The following CUX2 variants were observed in gnomAD, a reference collection of about 807,000 sequenced individuals.
CUX2 encodes cut like homeobox 2, also known as homeobox protein cut-like 2.
CUX2 carries 40 observed loss-of-function variants against 144.8 expected under a neutral mutation model. The ratio of observed to expected loss-of-function variants is 0.28; its 90% CI spans 0.21 to 0.36. The LOEUF is 0.36. CUX2 is among the 10% of genes least tolerant of loss of function. The probability of loss-of-function intolerance (pLI) is 1.00; values close to 1 mark genes in which losing one functional copy is unlikely to be tolerated. For synonymous variants in CUX2, 827 were observed against 875.6 expected (o/e 0.94, Z 0.98); for missense variants, 1,615 against 1,994.0 (o/e 0.81, Z 3.62).
rs906378105 is a variant in CUX2, at chr12:111,306,847, CAG to C, written c.859-73_859-72del. ...ACAAATTTGCATTCTGCTTGGGATT[CAG>C]GGGTGGGGAGGCCAGACCTGTGGAC... On this transcript the variant is annotated intron_variant, in intron 10 of 21. Coordinates refer to ENST00000261726, the MANE Select transcript of CUX2 (RefSeq NM_015267.4). The C allele has an allele frequency of 2.4e-6, 3 of 1,267,140 alleles. No homozygotes were observed. In the African/African-American group the frequency reaches 4.5e-5, roughly 19 times the overall value. 78.5% of individuals were successfully genotyped at this position (1,267,140 alleles called of 1,614,324 possible). A position where few individuals can be genotyped will look rare whatever the true frequency, so the allele number is the denominator to read the frequency against.
chr12:111,185,388 C>T lies in CUX2; in HGVS notation c.64-28812C>T, dbSNP rs117872291. On this transcript the variant is annotated intron_variant, in intron 1 of 21. Coordinates refer to ENST00000261726, the MANE Select transcript of CUX2 (RefSeq NM_015267.4). ...TGTTATTTACTGGAGGGGTGACCTT[C>T]GATAAGCAATGGCAGCTCTCTATGC... Among the ~76,000 whole-genome samples the T allele has an allele frequency of 8.7e-4, 132 of 152,280 alleles. 1 individual carries two copies. In the East Asian group the frequency reaches 0.012, roughly 14 times the overall value.
At chr12:111,234,328 G>A (rs1882624433) in intron 3 of CUX2, among the ~76,000 whole-genome samples, 1 of 152,052 alleles carries the variant, frequency 6.6e-6, no homozygotes, top group Admixed American at 6.6e-5. Context: ...GAGCAAGGAG[G>A]GACTGTTAAC....
chr12:111,298,649 T>A, intron 9 of CUX2, 60 bp downstream of exon 9: 1 of 1,481,832 alleles, frequency 6.7e-7, no homozygotes. Context: ...GGGGTGGGGG[T>A]CTCGGGCCAG....
intron 1 of CUX2, among the ~76,000 whole-genome samples, chr12:111,189,069 C>T (rs1879725459): frequency 6.6e-6 from 1 of 152,086 alleles, no homozygotes; most frequent in Non-Finnish European, 1.5e-5. Flanking sequence ...CACTTGAGCC[C>T]AGGAGTTTGA....
At position 111,034,500 on chromosome 12, in the gene CUX2, G is replaced by T. The variant is rs1223781503; in HGVS notation, c.63+260G>T. 6.6e-6 allele frequency among the ~76,000 whole-genome samples: 1 copy of T among 151,672 alleles called. No homozygotes were observed. The highest frequency in any genetic ancestry group is 1.5e-5 in the Non-Finnish European group (1 of 67,876). ...TAGTGAGCCCTCGGTCGGCGGAGCG[G>T]CCGAGCGGCCAGGCGGCCGGGCGAG... On this transcript the variant is annotated intron_variant, in intron 1 of 21. Coordinates refer to ENST00000261726, the MANE Select transcript of CUX2 (RefSeq NM_015267.4). The surrounding 1 kb of genome is among the most constrained non-coding windows in gnomAD (Gnocchi z 4.2).
intron 9 of CUX2, among the ~76,000 whole-genome samples, chr12:111,301,346 G>A (rs1048429771): frequency 2.0e-5 from 3 of 152,052 alleles, no homozygotes; most frequent in African/African-American, 4.8e-5. Flanking sequence ...TGTACTCTAG[G>A]CGAGGACCGC....
intron 17 of CUX2, among the ~76,000 whole-genome samples, chr12:111,321,681 C>T (rs1301965191): frequency 1.3e-5 from 2 of 151,868 alleles, no homozygotes; most frequent in African/African-American, 4.8e-5. Context: ...GACCTCATCC[C>T]CCCAAAAATA....
chr12:111,299,242 C>A (rs778432960), intron 9 of CUX2, among the ~76,000 whole-genome samples: 7 of 152,218 alleles, frequency 4.6e-5, no homozygotes, highest in Non-Finnish European at 1.0e-4. Context: ...GGTCTGCGGG[C>A]CCGCACTGTG....
At chr12:111,237,488 C>A (rs1388004054) in intron 3 of CUX2, among the ~76,000 whole-genome samples, 1 of 152,232 alleles carries the variant, frequency 6.6e-6, no homozygotes, top group Non-Finnish European at 1.5e-5. Context: ...CCGTGCCCGA[C>A]TCGAAGGGCA....
intron 4 of CUX2, among the ~76,000 whole-genome samples, chr12:111,267,430 G>T (rs1412545437): frequency 6.6e-6 from 1 of 152,178 alleles, no homozygotes; most frequent in Admixed American, 6.5e-5. Flanking sequence ...TCGCTTCTCT[G>T]TGGCACAGAG....
At chr12:111,128,099 T>C (rs1875208838) in intron 1 of CUX2, among the ~76,000 whole-genome samples, 1 of 152,214 alleles carries the variant, frequency 6.6e-6, no homozygotes, top group Admixed American at 6.5e-5. Context: ...GGCTTCGTCC[T>C]CAAATTTTCT....
At chr12:111,105,864 CTT>C (rs1198818010) in intron 1 of CUX2, among the ~76,000 whole-genome samples, 1,708 of 132,272 alleles carry the variant, frequency 0.013, 28 homozygotes, top group African/African-American at 0.045. Flanking sequence ...AATAATGAGT[CTT>C]TTTTTTTTTT....
intron 18 of CUX2, among the ~76,000 whole-genome samples, chr12:111,325,241 C>G (rs1487989795): frequency 6.6e-6 from 1 of 151,714 alleles, no homozygotes; most frequent in African/African-American, 2.4e-5. Context: ...TTGCAATGAG[C>G]CGAGATCCTG....
chr12:111,066,769 T>C (rs1017730908), intron 1 of CUX2, among the ~76,000 whole-genome samples: 6 of 152,178 alleles, frequency 3.9e-5, no homozygotes, highest in South Asian at 2.1e-4. Flanking sequence ...TTAAAATCCA[T>C]TGGAATCAAG....
intron 1 of CUX2, among the ~76,000 whole-genome samples, chr12:111,066,219 G>A (rs1871013225): frequency 6.6e-6 from 1 of 152,242 alleles, no homozygotes; most frequent in Middle Eastern, 3.4e-3. Flanking sequence ...TCCCTCTTCA[G>A]TTTTGGCCCT....
intron 1 of CUX2, among the ~76,000 whole-genome samples, chr12:111,088,962 CT>C (rs1257988270): frequency 6.6e-6 from 1 of 152,132 alleles, no homozygotes. Flanking sequence ...CTGCTGACCC[CT>C]CAGGAGTTAC....
intron 1 of CUX2, among the ~76,000 whole-genome samples, chr12:111,122,063 T>C (rs1294139939): frequency 1.3e-5 from 2 of 152,186 alleles, no homozygotes; most frequent in Non-Finnish European, 2.9e-5. Flanking sequence ...GACTGCTCTG[T>C]GGTCTAAATA....
chr12:111,136,330 A>G (rs1269631585), intron 1 of CUX2, among the ~76,000 whole-genome samples: 1 of 152,014 alleles, frequency 6.6e-6, no homozygotes, highest in East Asian at 1.9e-4. Flanking sequence ...GAACTATGGG[A>G]GGATGGAGCT....
intron 21 of CUX2, 98 bp from the exon 22 acceptor site, chr12:111,347,426 A>C: frequency 8.8e-7 from 1 of 1,141,734 alleles, no homozygotes; most frequent in South Asian, 1.5e-5. Flanking sequence ...AGAGAGCCCC[A>C]GGGCAGTGGG....
Sources: allele counts gnomAD v4.1 joint callset (sites outside exome capture counted in the v4.1 genomes callset), GRCh38; gene constraint gnomAD v4.1.1; non-coding constraint Gnocchi (gnomAD v3.1); transcripts MANE v1.5; gene names NCBI Gene and HGNC (gene_info 2026-07-23, HGNC 2026-07-21).